Variants in ZFHX3 observed in about 807,000 individuals in gnomAD.
ZFHX3 encodes zinc finger homeobox protein 3.
Under a neutral mutation model 279.1 loss-of-function variants are expected in ZFHX3, and 42 were observed. That is an observed-to-expected ratio of 0.15 (90% CI 0.12 to 0.19). ZFHX3 has a LOEUF of 0.19. ZFHX3 is among the 10% of genes least tolerant of loss of function. The pLI, the probability that ZFHX3 is intolerant of heterozygous loss-of-function variation, is 1.00. For synonymous variants in ZFHX3, 2,293 were observed against 1,957.8 expected, an observed-to-expected ratio of 1.17 and a Z score of -4.52; for missense variants, 4,981 against 4,754.0, an observed-to-expected ratio of 1.05 and a Z score of -1.40.
chr16:73,220,758 TTGTG>T (rs142252855), intron 5 of ZFHX3, among the ~76,000 whole-genome samples: 4 of 150,736 alleles, frequency 2.7e-5, no homozygotes, highest in Admixed American at 2.0e-4. Context: ...GTTGCATTCT[TTGTG>T]TGTGTGTGTG....
intron 7 of ZFHX3, among the ~76,000 whole-genome samples, chr16:73,100,894 G>A (rs1966222947): frequency 6.6e-6 from 1 of 152,128 alleles, no homozygotes; most frequent in African/African-American, 2.4e-5. Flanking sequence ...ACCTTGCCCA[G>A]CCAATTTCCA....
At chr16:72,964,790 G>C (rs779805947) in intron 1 of ZFHX3, among the ~76,000 whole-genome samples, 1 of 152,122 alleles carries the variant, frequency 6.6e-6, no homozygotes, top group Non-Finnish European at 1.5e-5. Context: ...CCCACACTAG[G>C]AGATAGATAC....
chr16:73,146,978 C>A (rs973185876), intron 5 of ZFHX3, among the ~76,000 whole-genome samples: 1 of 152,104 alleles, frequency 6.6e-6, no homozygotes, highest in Non-Finnish European at 1.5e-5. Flanking sequence ...GTTCTTAAGC[C>A]TCTTATTAAT....
At chr16:73,427,408 G>A (rs1056001450) in intron 3 of ZFHX3, among the ~76,000 whole-genome samples, 3 of 152,162 alleles carry the variant, frequency 2.0e-5, no homozygotes, top group African/African-American at 7.2e-5. Context: ...CTCACTGTGT[G>A]TGTATCGGCA....
At chr16:73,763,955 C>G (rs1465239902) in intron 1 of ZFHX3, among the ~76,000 whole-genome samples, 2 of 152,134 alleles carry the variant, frequency 1.3e-5, no homozygotes, top group East Asian at 3.9e-4. Flanking sequence ...GTGAATCCTT[C>G]CCTAGTAGAT....
intron 5 of ZFHX3, among the ~76,000 whole-genome samples, chr16:73,163,439 T>C (rs979341729): frequency 6.6e-6 from 1 of 152,142 alleles, no homozygotes; most frequent in Non-Finnish European, 1.5e-5. Flanking sequence ...GTAAATAAAG[T>C]TTTATTGGAA....
intron 3 of ZFHX3, among the ~76,000 whole-genome samples, chr16:72,941,840 T>G (rs540867345): frequency 1.3e-5 from 2 of 152,262 alleles, no homozygotes; most frequent in Admixed American, 1.3e-4. Context: ...ATTAGAAAAT[T>G]TTAACTTTCA....
Position 73,600,752 on chromosome 16 carries a change from A to G in ZFHX3, c.-1547+79428T>C, listed in dbSNP as rs149505654. Reference sequence around the variant, plus strand: ...CTTCTAATGGCATCATGGATCTTTGAAATCTGCACCATTAGGCTTGTCTTT... The same window carrying G: ...CTTCTAATGGCATCATGGATCTTTGGAATCTGCACCATTAGGCTTGTCTTT... On this transcript the variant is annotated intron_variant, in intron 2 of 17. Coordinates refer to the ZFHX3 transcript ENST00000641206. Among the ~76,000 whole-genome samples, 758 of 152,172 alleles carry G rather than the reference A, an allele frequency of 5.0e-3. No individual in the cohort carries two copies. The Middle Eastern group carries it at 0.058, about 12-fold the overall frequency.
At position 72,794,059 on chromosome 16, in the gene ZFHX3, A is replaced by C; in HGVS notation, c.8623T>G (p.Leu2875Val). 2 of 1,614,128 alleles carry C rather than the reference A, an allele frequency of 1.2e-6. No homozygotes were observed. The highest frequency in any genetic ancestry group is 1.7e-6 in the Non-Finnish European group (2 of 1,180,024). The change falls in exon 9 of 10, where the codon TTG becomes GTG. Residue 2875 changes from leucine to valine, a missense_variant. Leu to Val is a conservative substitution (Grantham distance 32). Coordinates refer to ENST00000268489, the MANE Select transcript of ZFHX3 (RefSeq NM_006885.4). This position sits in a 1 kb window ranked among gnomAD's most constrained non-coding sequence, Gnocchi z 4.2. ...TKSSSAPNEG[L>V]TKAAMMAMSE... is the part of the protein sequence containing the mutation. ...ATTGCCATCATGGCCGCTTTGGTCAACCCTTCGTTGGGTGCAGAAGAGGAT... is the reference window on the plus strand; with the variant it reads ...ATTGCCATCATGGCCGCTTTGGTCACCCCTTCGTTGGGTGCAGAAGAGGAT...
intron 1 of ZFHX3, among the ~76,000 whole-genome samples, chr16:73,794,873 G>C (rs902741360): frequency 6.6e-6 from 1 of 152,084 alleles, no homozygotes; most frequent in Non-Finnish European, 1.5e-5. Flanking sequence ...AATGTCATGG[G>C]GTACAGAAGT....
intron 5 of ZFHX3, among the ~76,000 whole-genome samples, chr16:72,819,316 T>C (rs2036710891): frequency 6.8e-6 from 1 of 147,366 alleles, no homozygotes; most frequent in African/African-American, 2.5e-5. Context: ...GAAAGCTCCA[T>C]GCCTCCCTAA....
At chr16:73,631,672 A>G (rs1023983148) in intron 2 of ZFHX3, among the ~76,000 whole-genome samples, 2 of 152,134 alleles carry the variant, frequency 1.3e-5, no homozygotes, top group Admixed American at 6.5e-5. Flanking sequence ...TGGGAGGCCG[A>G]GGCAGGTGGA....
chr16:73,816,688 G>T (rs1960583323), intron 1 of ZFHX3, among the ~76,000 whole-genome samples: 1 of 152,184 alleles, frequency 6.6e-6, no homozygotes, highest in East Asian at 1.9e-4. Context: ...GACTGAATAG[G>T]CAAAGTAGCT....
intron 7 of ZFHX3, chr16:73,093,880 A>G: frequency 3.5e-6 from 1 of 285,836 alleles, no homozygotes; most frequent in African/African-American, 2.2e-5. Flanking sequence ...ACAAGCTACT[A>G]ATAGTACTAA....
chr16:73,089,711 CAG>C (rs1404020217), intron 8 of ZFHX3, among the ~76,000 whole-genome samples: 8 of 152,242 alleles, frequency 5.3e-5, no homozygotes. Context: ...CTTGCAGACA[CAG>C]AGCCTGAGGC....
At chr16:73,360,492 C>T (rs2016417149) in intron 3 of ZFHX3, among the ~76,000 whole-genome samples, 2 of 152,324 alleles carry the variant, frequency 1.3e-5, no homozygotes, top group African/African-American at 4.8e-5. Flanking sequence ...GTGCCCACCG[C>T]TATGCCCAGC....
chr16:73,479,941 G>A (rs995523226), intron 2 of ZFHX3, among the ~76,000 whole-genome samples: 1 of 152,162 alleles, frequency 6.6e-6, no homozygotes, highest in Non-Finnish European at 1.5e-5. Context: ...GGCATGGGGA[G>A]GTTAAAAGCT....
intron 2 of ZFHX3, among the ~76,000 whole-genome samples, chr16:73,669,314 A>G (rs1346885361): frequency 6.6e-6 from 1 of 152,208 alleles, no homozygotes; most frequent in Admixed American, 6.5e-5. Flanking sequence ...TTGGCCTCCC[A>G]AAGTGCTGGG....
chr16:73,033,219 C>A (rs940973003), intron 1 of ZFHX3, among the ~76,000 whole-genome samples: 4 of 152,132 alleles, frequency 2.6e-5, no homozygotes, highest in African/African-American at 9.7e-5. Flanking sequence ...CCCCACATAA[C>A]CCACCAATGA....
Sources: allele counts gnomAD v4.1 joint callset (sites outside exome capture counted in the v4.1 genomes callset), GRCh38; gene constraint gnomAD v4.1.1; non-coding constraint Gnocchi (gnomAD v3.1); transcripts MANE v1.5; gene names NCBI Gene and HGNC (gene_info 2026-07-23, HGNC 2026-07-21).